The following DOCK1 variants were observed in gnomAD, a reference collection of about 807,000 sequenced individuals.
The protein encoded by DOCK1 is dedicator of cytokinesis 1, also known as dedicator of cytokinesis protein 1.
DOCK1 carries 138 observed loss-of-function variants against 262.7 expected under a neutral mutation model. That is an observed-to-expected ratio of 0.53 (90% CI 0.46 to 0.61). The LOEUF (loss-of-function observed/expected upper bound fraction) is 0.61. Among genes scored for constraint, DOCK1 ranks in the 20% least tolerant of loss-of-function variants. DOCK1 has a pLI of 0.00. For synonymous variants in DOCK1, 866 were observed against 867.4 expected, an observed-to-expected ratio of 1.00 and a Z score of 0.03; for missense variants, 1,908 against 2,370.7, an observed-to-expected ratio of 0.80 and a Z score of 4.05.
At chr10:127,081,250 C>A (rs887062506) in intron 23 of DOCK1, among the ~76,000 whole-genome samples, 1 of 152,022 alleles carries the variant, frequency 6.6e-6, no homozygotes, top group East Asian at 1.9e-4. Context: ...GGTGCAGAGG[C>A]CACTTGTTTC....
intron 27 of DOCK1, among the ~76,000 whole-genome samples, chr10:127,230,038 A>G (rs948572859): frequency 3.3e-5 from 5 of 152,208 alleles, no homozygotes; most frequent in African/African-American, 1.2e-4. Flanking sequence ...AAAAATATCT[A>G]TCCAGTGATC....
rs193072188 is a variant in DOCK1 at position 127,236,888 on chromosome 10, T to C, written c.2848-11120T>C. ...AGAATTCCAGATTTTAGAATCATGA[T>C]CCGAGTTTTACAGATGAGGAAAACG... is the stretch of plus-strand genomic sequence containing the variant. On this transcript the variant is annotated intron_variant, in intron 27 of 51. Transcript: ENST00000623213. Among the ~76,000 whole-genome samples the C allele has an allele frequency of 2.4e-3, 373 of 152,248 alleles. 1 individual carries two copies. Among genetic ancestry groups the C allele is most frequent in the Non-Finnish European group, 4.2e-3 (289 of 68,004 alleles).
chr10:127,000,399 A>T, intron 10 of DOCK1, 92 bp downstream of exon 10: 1 of 1,477,172 alleles, frequency 6.8e-7, no homozygotes, highest in African/African-American at 1.4e-5. Context: ...GACAATGCAC[A>T]GCTGTGATTT....
chr10:127,153,736 T>C, intron 27 of DOCK1: 3 of 774,988 alleles, frequency 3.9e-6, no homozygotes, highest in Non-Finnish European at 6.5e-6. Flanking sequence ...GTAAGGTCCT[T>C]CACTTTTTGT....
At chr10:126,963,751 A>T (rs1203202491) in intron 1 of DOCK1, among the ~76,000 whole-genome samples, 3 of 150,874 alleles carry the variant, frequency 2.0e-5, no homozygotes, top group Non-Finnish European at 2.9e-5. Flanking sequence ...AATAAGATGC[A>T]GATTTTGTCC....
rs577405444 is a variant in DOCK1 at position 127,033,119 on chromosome 10, C to T, written c.1912+799C>T. ...TAGTGAGGGTTACATGAACAGTGGG[C>T]TGGGAGCTCACCTCCCTCTTTATGT... On this transcript the variant is annotated intron_variant, in intron 18 of 51. Coordinates refer to ENST00000623213, the MANE Select transcript of DOCK1 (RefSeq NM_001290223.2). Among the ~76,000 whole-genome samples, 5 of 152,186 alleles carry T rather than the reference C, an allele frequency of 3.3e-5. 1 individual carries two copies. The highest frequency in any genetic ancestry group is 7.3e-5 in the Non-Finnish European group (5 of 68,036).
Position 127,012,342 on chromosome 10 carries a change from T to A in DOCK1, c.1169T>A (p.Ile390Asn). The A allele has an allele frequency of 6.2e-7, 1 of 1,614,016 alleles. No individual in the cohort carries two copies. Among genetic ancestry groups the A allele is most frequent in the Non-Finnish European group, 8.5e-7 (1 of 1,179,888 alleles). The change falls in exon 12 of 52, where the codon ATC (isoleucine) becomes AAC (asparagine). Residue 390 changes from isoleucine (I) to asparagine (N), a missense_variant. Coordinates refer to ENST00000623213, the MANE Select transcript of DOCK1 (RefSeq NM_001290223.2). The surrounding 1 kb of genome is among the most constrained non-coding windows in gnomAD (Gnocchi z 4.0). Reference sequence around the variant, plus strand: ...CTTCAGACTGTTATAAACAAAGTCATCGCTGCCAAAGAAGTCAACCACAAG... The same window carrying A: ...CTTCAGACTGTTATAAACAAAGTCAACGCTGCCAAAGAAGTCAACCACAAG... ...DFLQTVINKVIAAKEVNHKGQ... is the reference protein window; with the variant it reads ...DFLQTVINKVNAAKEVNHKGQ...
intron 18 of DOCK1, among the ~76,000 whole-genome samples, chr10:127,033,342 C>T (rs1428502727): frequency 6.6e-6 from 1 of 152,158 alleles, no homozygotes; most frequent in Non-Finnish European, 1.5e-5. Context: ...TGGGGTTTGG[C>T]CGATGCTTTG....
chr10:127,328,172 G>A (rs1397150006), intron 29 of DOCK1, among the ~76,000 whole-genome samples: 1 of 149,066 alleles, frequency 6.7e-6, no homozygotes, highest in Non-Finnish European at 1.5e-5. Context: ...TATGGCAAAT[G>A]AGCCTTCAGC....
chr10:127,377,382 T>C (rs990702264), intron 35 of DOCK1, among the ~76,000 whole-genome samples: 6 of 152,134 alleles, frequency 3.9e-5, no homozygotes, highest in African/African-American at 1.4e-4. Flanking sequence ...TGTATACATA[T>C]TGGAGATGTA....
intron 29 of DOCK1, among the ~76,000 whole-genome samples, chr10:127,289,852 T>C (rs2061289119): frequency 6.6e-6 from 1 of 151,962 alleles, no homozygotes; most frequent in Non-Finnish European, 1.5e-5. Context: ...TAGGCCCACA[T>C]CACATACATG....
At chr10:127,374,313 G>A in intron 35 of DOCK1, 99 bp downstream of exon 35, 1 of 1,391,912 alleles carries the variant, frequency 7.2e-7, no homozygotes, top group South Asian at 1.6e-5. Flanking sequence ...CAGCCACGAA[G>A]CTTTCCACCG....
chr10:126,984,906 T>C (rs534003730), intron 4 of DOCK1, among the ~76,000 whole-genome samples: 12 of 151,980 alleles, frequency 7.9e-5, no homozygotes, highest in Non-Finnish European at 1.2e-4. Flanking sequence ...GTTGAACTTA[T>C]TCCTTCTGTC....
intron 27 of DOCK1, among the ~76,000 whole-genome samples, chr10:127,143,983 C>T (rs150708256): frequency 6.6e-6 from 1 of 152,184 alleles, no homozygotes. Flanking sequence ...CCCTGGATGA[C>T]TGCAGACCCT....
At chr10:126,948,614 G>A (rs1043459148) in intron 1 of DOCK1, among the ~76,000 whole-genome samples, 2 of 151,914 alleles carry the variant, frequency 1.3e-5, no homozygotes, top group Non-Finnish European at 2.9e-5. Context: ...GCCACAGATG[G>A]AGAAGGAAAG....
chr10:127,445,093 T>G (rs2134800896), intron 50 of DOCK1, among the ~76,000 whole-genome samples: 1 of 152,314 alleles, frequency 6.6e-6, no homozygotes, highest in African/African-American at 2.4e-5. Context: ...AGGTTCTGGG[T>G]GGCCCTAAGA....
chr10:127,447,942 A>C (rs552256828), intron 51 of DOCK1, among the ~76,000 whole-genome samples: 1 of 152,208 alleles, frequency 6.6e-6, no homozygotes, highest in Admixed American at 6.5e-5. Context: ...AGGTTGGCCA[A>C]TATCGCCCTG....
intron 1 of DOCK1, among the ~76,000 whole-genome samples, chr10:126,922,163 T>C (rs760238274): frequency 1.4e-5 from 2 of 145,512 alleles, no homozygotes; most frequent in African/African-American, 2.6e-5. Flanking sequence ...GTTGCAGAGA[T>C]TGCATCACTG....
chr10:127,320,391 C>T (rs868298544), intron 29 of DOCK1, among the ~76,000 whole-genome samples: 5 of 152,300 alleles, frequency 3.3e-5, no homozygotes, highest in Middle Eastern at 6.8e-3. Context: ...TTGCGTAAGT[C>T]CTTGCGTAAG....
Sources: gnomAD v4.1 joint callset for allele counts (sites outside exome capture counted in the v4.1 genomes callset) on GRCh38, gnomAD v4.1.1 for gene constraint, Gnocchi (gnomAD v3.1) non-coding constraint, MANE v1.5 for transcripts, NCBI Gene and HGNC (gene_info 2026-07-23, HGNC 2026-07-21) for gene names.